INPPL1: variants seen among roughly 807,000 people sequenced by gnomAD.
INPPL1 encodes phosphatidylinositol 3,4,5-trisphosphate 5-phosphatase 2.
In INPPL1, 91 loss-of-function variants were observed where a neutral mutation model predicts 139.3. The ratio of observed to expected loss-of-function variants is 0.65; its 90% CI spans 0.55 to 0.78. INPPL1 has a LOEUF of 0.78. INPPL1 is among the 30% of genes least tolerant of loss of function. INPPL1 has a pLI of 0.00. For synonymous variants in INPPL1, 719 were observed against 686.6 expected, an observed-to-expected ratio of 1.05 and a Z score of -0.74; for missense variants, 1,411 against 1,665.6, an observed-to-expected ratio of 0.85 and a Z score of 2.66.
chr11:72,235,867 C>T lies in INPPL1; in HGVS notation c.2760C>T (p.Ala920=), dbSNP rs747695556. Reference sequence around the variant, plus strand: ...GCAGGTCAGGGAGCCGCAAGCCAGCCTTCACAGAGGCCTCCTGCCCGCTCT... The same window carrying T: ...GCAGGTCAGGGAGCCGCAAGCCAGCTTTCACAGAGGCCTCCTGCCCGCTCT... ...QEPRSGSRKP[A]FTEASCPLSR... is the part of the protein sequence containing the mutation. Residue 920 remains alanine, a synonymous_variant, in exon 25 of 28, where the codon GCC becomes GCT. Transcript: ENST00000298229. The surrounding 1 kb of genome is among the most constrained non-coding windows in gnomAD (Gnocchi z 4.9). The T allele has an allele frequency of 2.5e-6, 4 of 1,613,058 alleles. No individual in the cohort carries two copies. The highest frequency in any genetic ancestry group is 3.4e-6 in the Non-Finnish European group (4 of 1,179,610).
rs1289395026 is a variant in INPPL1 at position 72,234,701 on chromosome 11, G to C, written c.2415+86G>C. ...TTTATTGGAGAGCCTGCCTGGGAGG[G>C]AGTGTGGGGCCAGCAGAGAGAGAGA... is the stretch of plus-strand genomic sequence containing the variant. On this transcript the variant is annotated intron_variant, in intron 21 of 27. Transcript: ENST00000298229. This position sits in a 1 kb window ranked among gnomAD's most constrained non-coding sequence, Gnocchi z 4.2. 2 of 905,292 alleles carry C rather than the reference G, an allele frequency of 2.2e-6. No individual in the cohort carries two copies. Among genetic ancestry groups the C allele is most frequent in the African/African-American group, 3.3e-5 (2 of 60,678 alleles). 56.1% of individuals were successfully genotyped at this position (905,292 alleles called of 1,614,324 possible).
chr11:72,237,395 C>G lies in INPPL1; in HGVS notation c.3151C>G (p.Pro1051Ala). The change falls in exon 26 of 28, where the codon CCA (proline) becomes GCA (alanine). Residue 1051 changes from proline (P) to alanine (A), a missense_variant. By Grantham distance (27) the Pro-to-Ala change is conservative (BLOSUM62 -1). Coordinates refer to ENST00000298229, the MANE Select transcript of INPPL1 (RefSeq NM_001567.4). The stretch of plus-strand genomic sequence containing the variant: ...GGAGTCTGGAGGCACACTGCCCCCT[C>G]CAGACTTTCCACCTCCACCACTGCC... ...DEESGGTLPP[P>A]DFPPPPLPDS... 6.2e-7 allele frequency: 1 copy of G among 1,613,512 alleles called. No homozygotes were observed.
intron 25 of INPPL1, among the ~76,000 whole-genome samples, chr11:72,236,648 T>A (rs1383134850): frequency 2.0e-5 from 3 of 152,206 alleles, no homozygotes; most frequent in Non-Finnish European, 2.9e-5. Flanking sequence ...CATAAACTCC[T>A]AGGTACAGTT....
intron 17 of INPPL1, 25 bp downstream of exon 17, chr11:72,233,188 C>T (rs761753673): frequency 6.3e-7 from 1 of 1,599,870 alleles, no homozygotes; most frequent in Non-Finnish European, 8.6e-7. Context: ...CGGCATGGGC[C>T]TTGGGGGACC....
intron 9 of INPPL1, 22 bp downstream of exon 9, chr11:72,230,293 G>A: frequency 6.2e-7 from 1 of 1,610,478 alleles, no homozygotes; most frequent in Non-Finnish European, 8.5e-7. Context: ...CCAGACCTGG[G>A]AGGGGTGGGC....
At position 72,224,829 on chromosome 11, in the gene INPPL1, C is replaced by T. The variant is rs1039231417; in HGVS notation, c.-156C>T. 1.2e-5 allele frequency: 4 copies of T among 329,716 alleles called. No homozygotes were observed. The South Asian group carries it at 3.7e-4, about 31-fold the overall frequency. 20.4% of individuals were successfully genotyped at this position (329,716 alleles called of 1,614,324 possible). A position where few individuals can be genotyped will look rare whatever the true frequency, so the allele number is the denominator to read the frequency against. On this transcript the variant is annotated 5_prime_UTR_variant, in exon 1 of 28. Coordinates refer to ENST00000298229, the MANE Select transcript of INPPL1 (RefSeq NM_001567.4). ...GCGGCTGCGCGGTGAACGAGGCGGC[C>T]TGCGCGGCGGAGTGCTGAGTCCCGA... is the stretch of plus-strand genomic sequence containing the variant.
rs879505794 is a variant in INPPL1, at chr11:72,229,959, A to G, written c.879A>G (p.Ala293=). ...LKALQDMSST[A]PPAPQPSTRK... is the part of the protein sequence containing the mutation. Reference sequence around the variant, plus strand: ...CCCTACAGGACATGAGCTCCACAGCACCCCCAGCTCCGCAGCCATCCACAC... The same window carrying G: ...CCCTACAGGACATGAGCTCCACAGCGCCCCCAGCTCCGCAGCCATCCACAC... Residue 293 remains alanine, a synonymous_variant, in exon 8 of 28, where the codon GCA becomes GCG. Transcript: ENST00000298229. 6.2e-7 allele frequency: 1 copy of G among 1,613,882 alleles called. No homozygotes were observed. Among genetic ancestry groups the G allele is most frequent in the Non-Finnish European group, 8.5e-7 (1 of 1,179,960 alleles).
At chr11:72,229,891 C>T in intron 7 of INPPL1, 33 bp from the exon 8 acceptor site, 1 of 1,602,396 alleles carries the variant, frequency 6.2e-7, no homozygotes, top group Non-Finnish European at 8.5e-7. Context: ...TTCAGTGTGT[C>T]CCCTGACCCC....
Position 72,233,452 on chromosome 11 carries a change from T to C in INPPL1, c.2052T>C (p.Asn684=). 1 of 1,614,116 alleles carries C rather than the reference T, an allele frequency of 6.2e-7. No homozygotes were observed. Among genetic ancestry groups the C allele is most frequent in the Non-Finnish European group, 8.5e-7 (1 of 1,180,010 alleles). The part of the protein sequence containing the change: ...HKQKPTGVRT[N]VPSWCDRILW... ...ATCCCCTGCCCCAGGTCCGGACCAA[T>C]GTGCCCTCATGGTGTGACCGGATTC... Residue 684 remains asparagine (N), a synonymous_variant, in exon 18 of 28, where the codon AAT becomes AAC. Transcript: ENST00000298229.
chr11:72,225,040 C>G lies in INPPL1; in HGVS notation c.56C>G (p.Pro19Arg). 8.1e-7 allele frequency: 1 copy of G among 1,228,656 alleles called. No homozygotes were observed. Among genetic ancestry groups the G allele is most frequent in the Non-Finnish European group, 1.0e-6 (1 of 986,424 alleles). 76.1% of individuals were successfully genotyped at this position (1,228,656 alleles called of 1,614,324 possible). ...GGGGGCGCCCTGGGCAGCCAGGCCC[C>G]CTCCTGGTACCACCGCGACCTGAGC... The part of the protein sequence containing the change: ...GPGGALGSQA[P>R]SWYHRDLSRA... The change falls in exon 1 of 28, where the codon CCC becomes CGC. Residue 19 changes from proline (P) to arginine (R), a missense_variant. Physicochemically the swap from Pro to Arg is moderately radical, Grantham distance 103. This residue lies in a region of INPPL1 where 504 missense variants were observed against 595.6 expected (regional missense o/e 0.85). Transcript: ENST00000298229.
Position 72,238,267 on chromosome 11 carries a change from A to T in INPPL1, c.3691A>T (p.Ile1231Phe), listed in dbSNP as rs371158287. Residue 1231 changes from isoleucine to phenylalanine, a missense_variant, in exon 28 of 28, where the codon ATC becomes TTC. Physicochemically the swap from Ile to Phe is conservative, Grantham distance 21. Coordinates refer to ENST00000298229, the MANE Select transcript of INPPL1 (RefSeq NM_001567.4). ...GWDDLEFLSD[I>F]TEEDLEEAGV... The stretch of plus-strand genomic sequence containing the variant: ...CCAGCCTGTTTTACTCCACAGTGAC[A>T]TCACCGAGGAGGACTTGGAGGAGGC... 6.2e-7 allele frequency: 1 copy of T among 1,613,176 alleles called. No individual in the cohort carries two copies. Among genetic ancestry groups the T allele is most frequent in the Non-Finnish European group, 8.5e-7 (1 of 1,179,512 alleles).
rs373942490 is a variant in INPPL1 at position 72,237,774 on chromosome 11, T to G, written c.3530T>G (p.Ile1177Ser). 2 of 1,608,858 alleles carry G rather than the reference T, an allele frequency of 1.2e-6. No homozygotes were observed. Among genetic ancestry groups the G allele is most frequent in the Non-Finnish European group, 1.7e-6 (2 of 1,178,242 alleles). ...CCTCCACCCCGCATCCGGGAGAGCA[T>G]CCAGGAAGACCTGGCAGAGGAGGTG... ...SFPPPRIRESIQEDLAEEAPC... is the reference protein window; with the variant it reads ...SFPPPRIRESSQEDLAEEAPC... The change falls in exon 26 of 28, where the codon ATC becomes AGC. Residue 1177 changes from isoleucine (I) to serine (S), a missense_variant. By Grantham distance (142) the Ile-to-Ser change is moderately radical (BLOSUM62 -2). This residue lies in a region of INPPL1 where 438 missense variants were observed against 425.7 expected (regional missense o/e 1.03). Transcript: ENST00000298229.
chr11:72,230,169 CA>C lies in INPPL1; in HGVS notation c.989del (p.Gln330ArgfsTer5). On this transcript the variant is annotated frameshift_variant, in exon 9 of 28. Transcript: ENST00000298229. LOFTEE classifies it high-confidence loss of function. ...LGDLTKIGKS[Q>X]KFTLSVDVEG... is the part of the protein sequence containing the mutation. ...TGACCTGACCAAGATTGGGAAGTCA[CA>C]GAAGTTCACGCTGAGCGTGGATGTG... 1.9e-6 allele frequency: 3 copies of C among 1,611,574 alleles called. No homozygotes were observed. The highest frequency in any genetic ancestry group is 2.5e-6 in the Non-Finnish European group (3 of 1,178,206).
Position 72,237,720 on chromosome 11 carries a change from C to T in INPPL1, c.3476C>T (p.Pro1159Leu). Residue 1159 changes from proline (P) to leucine (L), a missense_variant, in exon 26 of 28, where the codon CCC becomes CTC. Pro to Leu is a moderately conservative substitution (Grantham distance 98). Coordinates refer to ENST00000298229, the MANE Select transcript of INPPL1 (RefSeq NM_001567.4). ...PLELQPPRGL[P>L]SDYGRPLSFP... is the part of the protein sequence containing the mutation. ...GAGCTGCAGCCCCCCCGGGGACTGCCCTCGGACTATGGCCGGCCCCTCAGC... is the reference window on the plus strand; with the variant it reads ...GAGCTGCAGCCCCCCCGGGGACTGCTCTCGGACTATGGCCGGCCCCTCAGC... 1.9e-6 allele frequency: 3 copies of T among 1,611,754 alleles called. No individual in the cohort carries two copies. The highest frequency in any genetic ancestry group is 1.7e-5 in the Admixed American group (1 of 59,876).
intron 17 of INPPL1, 22 bp from the exon 18 acceptor site, chr11:72,233,419 A>G (rs902105365): frequency 6.2e-7 from 1 of 1,609,990 alleles, no homozygotes; most frequent in Non-Finnish European, 8.5e-7. Context: ...AGCTCTAACC[A>G]TGCTGCCATC....
Position 72,224,955 on chromosome 11 carries a change from G to A in INPPL1, c.-30G>A. ...CGGGGCGGATGGCGCGGGGCGGCGG[G>A]GGCGGGCGGTGCTGAGCCCTGCGCG... is the stretch of plus-strand genomic sequence containing the variant. On this transcript the variant is annotated 5_prime_UTR_variant, in exon 1 of 28. Transcript: ENST00000298229. The A allele has an allele frequency of 1.8e-6, 2 of 1,081,630 alleles. No homozygotes were observed. The highest frequency in any genetic ancestry group is 2.2e-6 in the Non-Finnish European group (2 of 893,120). The allele number at this position is 1,081,630 out of a possible 1,614,324, so 67.0% of individuals were successfully genotyped here.
At chr11:72,230,312 G>C in intron 9 of INPPL1, 41 bp downstream of exon 9, 1 of 1,612,592 alleles carries the variant, frequency 6.2e-7, no homozygotes, top group Non-Finnish European at 8.5e-7. Flanking sequence ...GCAGGGCGGA[G>C]CCCCTGGCCT....
rs200679872 is a variant in INPPL1 at position 72,237,735 on chromosome 11, G to A, written c.3491G>A (p.Arg1164Gln). The A allele has an allele frequency of 6.7e-4, 1,075 of 1,611,510 alleles. 13 individuals carry two copies. In the South Asian group the frequency reaches 8.9e-3, roughly 13 times the overall value. ...PPRGLPSDYG[R>Q]PLSFPPPRIR... is the part of the protein sequence containing the mutation. ...CGGGGACTGCCCTCGGACTATGGCC[G>A]GCCCCTCAGCTTCCCTCCACCCCGC... is the stretch of plus-strand genomic sequence containing the variant. The change falls in exon 26 of 28, where the codon CGG becomes CAG. Residue 1164 changes from arginine to glutamine, a missense_variant. Coordinates refer to ENST00000298229, the MANE Select transcript of INPPL1 (RefSeq NM_001567.4).
chr11:72,230,553 A>G, intron 10 of INPPL1, 85 bp downstream of exon 10: 2 of 1,309,358 alleles, frequency 1.5e-6, no homozygotes, highest in Non-Finnish European at 2.2e-6. Flanking sequence ...GAAAGGGAAC[A>G]CATGATGTAG....
Sources: gnomAD v4.1 joint callset for allele counts (sites outside exome capture counted in the v4.1 genomes callset) on GRCh38, gnomAD v4.1.1 for gene constraint, gnomAD v4.1.1 regional missense constraint, Gnocchi (gnomAD v3.1) non-coding constraint, MANE v1.5 for transcripts, NCBI Gene and HGNC (gene_info 2026-07-23, HGNC 2026-07-21) for gene names.